HDX: variants seen among roughly 807,000 people sequenced by gnomAD.
HDX encodes the protein highly divergent homeobox, also known as chromosome X open reading frame 43.
A neutral mutation model predicts 45.2 loss-of-function variants in HDX; 19 were observed. The ratio of observed to expected loss-of-function variants is 0.42; its 90% CI spans 0.29 to 0.62. HDX has a LOEUF of 0.62. Ranked by LOEUF, HDX falls within the 20% of genes least tolerant of loss-of-function variation. The pLI is 0.20. For missense variants in HDX, 532 were observed against 493.9 expected, an observed-to-expected ratio of 1.08 and a Z score of -0.73; for synonymous variants, 188 against 172.8, an observed-to-expected ratio of 1.09 and a Z score of -0.69.
chrX:84,453,942 C>A (rs1416179325), intron 4 of HDX, among the ~76,000 whole-genome samples: 2 of 111,874 alleles, frequency 1.8e-5, no homozygotes, highest in Admixed American at 1.9e-4. Context: ...CAGGGCCTAG[C>A]TCCTGAACTA....
chrX:84,337,786 C>T (rs924867937), intron 7 of HDX, among the ~76,000 whole-genome samples: 14 of 111,096 alleles, frequency 1.3e-4, no homozygotes, highest in East Asian at 2.8e-4. Context: ...ATTCTAAAAA[C>T]GAGAAAATAA....
chrX:84,341,715 GT>G lies in HDX; in HGVS notation c.1660+2534del, dbSNP rs748652418. Among the ~76,000 whole-genome samples, 530 of 95,964 alleles carry G rather than the reference GT, an allele frequency of 5.5e-3. 3 individuals carry two copies. Among genetic ancestry groups the G allele is most frequent in the African/African-American group, 0.012 (287 of 24,859 alleles). The allele number at this position is 95,964 out of a possible 115,157, so 83.3% of individuals were successfully genotyped here. A position where few individuals can be genotyped will look rare whatever the true frequency, so the allele number is the denominator to read the frequency against. On this transcript the variant is annotated intron_variant, in intron 7 of 10. Transcript: ENST00000373177. Reference sequence around the variant, plus strand: ...TCTTCCTTCTGAAATCTCCTTATTTGTTTTTTTTTTTTTCTTAATTTTAGAG... The same window carrying G: ...TCTTCCTTCTGAAATCTCCTTATTTGTTTTTTTTTTTTCTTAATTTTAGAG...
At chrX:84,374,832 G>A (rs1314521930) in intron 5 of HDX, among the ~76,000 whole-genome samples, 1 of 99,926 alleles carries the variant, frequency 1.0e-5, no homozygotes, top group Non-Finnish European at 2.0e-5. Flanking sequence ...ACATAGGCAT[G>A]GGCAAGGACT....
intron 4 of HDX, among the ~76,000 whole-genome samples, chrX:84,457,246 G>A (rs765273934): frequency 9.0e-6 from 1 of 110,962 alleles, no homozygotes; most frequent in East Asian, 2.8e-4. Context: ...TACACAATTT[G>A]GACCACAAAC....
chrX:84,404,949 T>C lies in HDX; in HGVS notation c.1305+35583A>G, dbSNP rs2038785179. ...GGTTTTCTTTTGGAAAAAGGAAATCTAGATTTGCCTATACATTGTATGAAA... is the reference window on the plus strand; with the variant it reads ...GGTTTTCTTTTGGAAAAAGGAAATCCAGATTTGCCTATACATTGTATGAAA... On this transcript the variant is annotated intron_variant, in intron 5 of 10. Coordinates refer to ENST00000373177, the MANE Select transcript of HDX (RefSeq NM_001177479.2). Among the ~76,000 whole-genome samples, 4 of 111,553 alleles carry C rather than the reference T, an allele frequency of 3.6e-5. No homozygotes were observed. The South Asian group carries it at 1.5e-3, about 41-fold the overall frequency.
chrX:84,336,673 A>T (rs1289502215), intron 8 of HDX, 128 bp downstream of exon 8: 1 of 464,369 alleles, frequency 2.2e-6, no homozygotes, highest in African/African-American at 2.6e-5. Flanking sequence ...ATTTCATTGG[A>T]AAGAGGTCTG....
intron 2 of HDX, among the ~76,000 whole-genome samples, chrX:84,476,691 A>G (rs1254910235): frequency 9.0e-6 from 1 of 111,524 alleles, no homozygotes; most frequent in Non-Finnish European, 1.9e-5. Context: ...GGAAATAACC[A>G]AGTACATTGA....
Position 84,320,852 on chromosome X carries a change from A to G in HDX, c.*1037T>C, listed in dbSNP as rs1479514780. 2.7e-5 allele frequency: 3 copies of G among 110,573 alleles called. No individual in the cohort carries two copies. The highest frequency in any genetic ancestry group is 5.7e-5 in the Non-Finnish European group (3 of 52,345). 9.1% of individuals were successfully genotyped at this position (110,573 alleles called of 1,213,427 possible). A position where few individuals can be genotyped will look rare whatever the true frequency, so the allele number is the denominator to read the frequency against. ...TTTAGGTGTGTACTCATAGAATAGT[A>G]TTCATGGAATTCAGAAGACTGTGAT... On this transcript the variant is annotated 3_prime_UTR_variant, in exon 11 of 11. Transcript: ENST00000373177.
chrX:84,440,455 G>T, intron 5 of HDX, 77 bp downstream of exon 5: 1 of 684,561 alleles, frequency 1.5e-6, no homozygotes, highest in Non-Finnish European at 2.3e-6. Context: ...TTACAAATAT[G>T]GCAATTTTCT....
chrX:84,406,337 A>G (rs958128286), intron 5 of HDX, among the ~76,000 whole-genome samples: 2 of 110,671 alleles, frequency 1.8e-5, no homozygotes, highest in Admixed American at 9.7e-5. Flanking sequence ...GTGACACGCT[A>G]TTAAGAAAAC....
intron 1 of HDX, among the ~76,000 whole-genome samples, chrX:84,489,720 A>G (rs2040858423): frequency 8.9e-6 from 1 of 112,362 alleles, no homozygotes; most frequent in Admixed American, 9.4e-5. Context: ...CTCACATACT[A>G]TAAGCTTCTG....
intron 1 of HDX, among the ~76,000 whole-genome samples, chrX:84,488,879 A>G (rs916230752): frequency 8.9e-6 from 1 of 112,033 alleles, no homozygotes; most frequent in African/African-American, 3.2e-5. Flanking sequence ...TCATTAAAAC[A>G]CATTAAAATT....
intron 4 of HDX, among the ~76,000 whole-genome samples, chrX:84,455,209 T>C: frequency 9.0e-6 from 1 of 111,590 alleles, no homozygotes; most frequent in East Asian, 2.8e-4. Flanking sequence ...CAGGAAAACA[T>C]GACCTTGCTG....
rs2036569942 is a variant in HDX at position 84,320,156 on chromosome X, C to T, written c.*1733G>A. On this transcript the variant is annotated 3_prime_UTR_variant, in exon 11 of 11. Coordinates refer to ENST00000373177, the MANE Select transcript of HDX (RefSeq NM_001177479.2). ...TCATCTCATGGAGGAGTTGGTGTGA[C>T]TGGTACATTTAATCGTAATATCTGA... is the stretch of plus-strand genomic sequence containing the variant. 1.8e-5 allele frequency: 2 copies of T among 110,835 alleles called. No individual in the cohort carries two copies. The highest frequency in any genetic ancestry group is 3.8e-5 in the Non-Finnish European group (2 of 52,356). 9.1% of individuals were successfully genotyped at this position (110,835 alleles called of 1,213,427 possible).
At chrX:84,449,590 C>T (rs963584801) in intron 4 of HDX, among the ~76,000 whole-genome samples, 9 of 111,577 alleles carry the variant, frequency 8.1e-5, no homozygotes, top group African/African-American at 1.3e-4. Context: ...CAAATGAATA[C>T]GAAATAAAGT....
intron 5 of HDX, among the ~76,000 whole-genome samples, chrX:84,401,894 G>GA (rs1406313229): frequency 3.6e-5 from 4 of 111,896 alleles, no homozygotes; most frequent in Non-Finnish European, 3.8e-5. Flanking sequence ...GTCCCTTGCA[G>GA]AAACATGGAT....
chrX:84,345,877 A>G (rs1250886535), intron 6 of HDX, among the ~76,000 whole-genome samples: 3 of 111,233 alleles, frequency 2.7e-5, no homozygotes, highest in African/African-American at 9.8e-5. Flanking sequence ...AATGTTGGCC[A>G]TCTTTCCATG....
At chrX:84,371,208 C>G (rs757638241) in intron 5 of HDX, among the ~76,000 whole-genome samples, 1 of 111,788 alleles carries the variant, frequency 8.9e-6, no homozygotes, top group South Asian at 3.7e-4. Flanking sequence ...TCTGTCTCTT[C>G]CTAGTTGTGA....
At chrX:84,411,227 C>G (rs1169978969) in intron 5 of HDX, among the ~76,000 whole-genome samples, 1 of 111,290 alleles carries the variant, frequency 9.0e-6, no homozygotes, top group African/African-American at 3.3e-5. Context: ...GCTCTTGTTT[C>G]TCTAGCTCTT....
Sources: gnomAD v4.1 joint callset for allele counts (sites outside exome capture counted in the v4.1 genomes callset) on GRCh38, gnomAD v4.1.1 for gene constraint, MANE v1.5 for transcripts, NCBI Gene and HGNC (gene_info 2026-07-23, HGNC 2026-07-21) for gene names.